The following SNTG2 variants were observed in gnomAD, a reference collection of about 807,000 sequenced individuals.
SNTG2 encodes the protein syntrophin gamma 2.
SNTG2 carries 74 observed loss-of-function variants against 70.9 expected under a neutral mutation model. That is an observed-to-expected ratio of 1.04 (90% confidence interval 0.86 to 1.27). SNTG2 has a LOEUF of 1.27. Among genes scored for constraint, SNTG2 ranks in the 50% most tolerant of loss-of-function variants. The pLI, the probability that SNTG2 is intolerant of heterozygous loss-of-function variation, is 0.00. For missense variants in SNTG2, 717 were observed against 690.7 expected (o/e 1.04, Z -0.43); for synonymous variants, 278 against 273.8 (o/e 1.02, Z -0.15).
At chr2:1,209,011 T>G in intron 8 of SNTG2, 92 bp from the exon 9 acceptor site, 386 of 1,492,744 alleles carry the variant, frequency 2.6e-4, no homozygotes, top group Non-Finnish European at 3.2e-4. Context: ...GTGTTGGACT[T>G]GAGTTCTGTG....
intron 14 of SNTG2, among the ~76,000 whole-genome samples, chr2:1,301,069 G>A (rs910933088): frequency 6.6e-6 from 1 of 152,100 alleles, no homozygotes; most frequent in African/African-American, 2.4e-5. Context: ...AAAATGGGAT[G>A]GCTTTAGACC....
chr2:959,850 T>G (rs1011209856), intron 1 of SNTG2, among the ~76,000 whole-genome samples: 1 of 151,778 alleles, frequency 6.6e-6, no homozygotes. Context: ...GGTATCCGTA[T>G]CTCAGTACTG....
At chr2:1,055,343 A>C (rs1459485800) in intron 1 of SNTG2, among the ~76,000 whole-genome samples, 1 of 152,146 alleles carries the variant, frequency 6.6e-6, no homozygotes, top group South Asian at 2.1e-4. Context: ...GACTTTTTCC[A>C]GTGCTGTTGC....
chr2:1,163,293 GGT>G (rs1211588093), intron 6 of SNTG2: 19 of 150,152 alleles, frequency 1.3e-4, no homozygotes, highest in African/African-American at 4.3e-4. Flanking sequence ...ACAGGAGGTG[GGT>G]GTGTGAGGCC....
intron 12 of SNTG2, among the ~76,000 whole-genome samples, chr2:1,251,118 AT>A (rs1677730064): frequency 1.3e-5 from 2 of 152,156 alleles, no homozygotes; most frequent in South Asian, 4.2e-4. Context: ...CTAGAGAGTA[AT>A]TCTCAAGATT....
chr2:1,200,469 A>G (rs1290736206), intron 8 of SNTG2, among the ~76,000 whole-genome samples: 1 of 152,066 alleles, frequency 6.6e-6, no homozygotes, highest in African/African-American at 2.4e-5. Flanking sequence ...AAAAGATTTT[A>G]TGACTGAGAC....
At chr2:1,043,367 T>C (rs1661549846) in intron 1 of SNTG2, among the ~76,000 whole-genome samples, 1 of 152,196 alleles carries the variant, frequency 6.6e-6, no homozygotes, top group Non-Finnish European at 1.5e-5. Context: ...TCCTGTAGGT[T>C]GTCTGTTTAC....
chr2:1,189,785 G>T (rs546252017), intron 8 of SNTG2, among the ~76,000 whole-genome samples: 8 of 152,144 alleles, frequency 5.3e-5, no homozygotes, highest in African/African-American at 1.9e-4. Context: ...TTGACCTCGT[G>T]ATCCACCCAC....
chr2:1,137,821 A>T lies in SNTG2; in HGVS notation c.411+12A>T. The T allele has an allele frequency of 6.2e-7, 1 of 1,601,930 alleles. No homozygotes were observed. The highest frequency in any genetic ancestry group is 8.5e-7 in the Non-Finnish European group (1 of 1,170,016). On this transcript the variant is annotated intron_variant, in intron 6 of 16. Coordinates refer to ENST00000308624, the MANE Select transcript of SNTG2 (RefSeq NM_018968.4). ...CTCATGAAGAAGTGGTAAGTGAATT[A>T]CATTTTATAGTTATTCTGTTTATTA...
intron 8 of SNTG2, among the ~76,000 whole-genome samples, chr2:1,197,519 G>GTATATATATATA (rs58615451): frequency 3.1e-4 from 25 of 81,572 alleles, no homozygotes; most frequent in African/African-American, 1.0e-3. Context: ...ATATATATGT[G>GTATATATATATA]TGTGTGTGTG....
intron 6 of SNTG2, among the ~76,000 whole-genome samples, chr2:1,153,256 A>G (rs577583915): frequency 2.0e-5 from 3 of 152,038 alleles, no homozygotes; most frequent in Non-Finnish European, 2.9e-5. Context: ...TCTTTTTTTT[A>G]TTATCCATTT....
chr2:1,329,473 G>A (rs1387145872), intron 16 of SNTG2, among the ~76,000 whole-genome samples: 1 of 152,142 alleles, frequency 6.6e-6, no homozygotes, highest in Non-Finnish European at 1.5e-5. Flanking sequence ...GTCAGCTTGA[G>A]AAAGAAAGTT....
chr2:1,220,605 G>A (rs764921744), intron 9 of SNTG2, among the ~76,000 whole-genome samples: 4 of 152,206 alleles, frequency 2.6e-5, no homozygotes, highest in African/African-American at 4.8e-5. Context: ...TTCTCATTAC[G>A]CCATCTTTAA....
intron 11 of SNTG2, among the ~76,000 whole-genome samples, chr2:1,241,792 T>G (rs1469216524): frequency 1.3e-5 from 2 of 152,148 alleles, no homozygotes; most frequent in Non-Finnish European, 2.9e-5. Context: ...TTGCTTCATC[T>G]CAGTGAAATT....
At chr2:1,035,669 T>C (rs923238098) in intron 1 of SNTG2, among the ~76,000 whole-genome samples, 5 of 152,228 alleles carry the variant, frequency 3.3e-5, no homozygotes, top group African/African-American at 1.2e-4. Context: ...GGGTTTTGTT[T>C]TTGTTGCTGG....
chr2:1,347,529 G>C lies in SNTG2; in HGVS notation c.1489-19814G>C, dbSNP rs192014779. On this transcript the variant is annotated intron_variant, in intron 16 of 16. Coordinates refer to ENST00000308624, the MANE Select transcript of SNTG2 (RefSeq NM_018968.4). The stretch of plus-strand genomic sequence containing the variant: ...ACCACAACATCATCTCTCACTCCCT[G>C]TTCCTCTCTGTCACTCTGAAGTCCC... Among the ~76,000 whole-genome samples the C allele has an allele frequency of 2.0e-3, 300 of 152,306 alleles. 1 individual carries two copies. Among genetic ancestry groups the C allele is most frequent in the African/African-American group, 6.9e-3 (288 of 41,574 alleles).
intron 4 of SNTG2, among the ~76,000 whole-genome samples, chr2:1,135,958 T>C (rs1558441768): frequency 2.0e-5 from 3 of 152,214 alleles, no homozygotes; most frequent in Non-Finnish European, 4.4e-5. Context: ...GTCAGGTAGG[T>C]ATTTGATAAA....
intron 11 of SNTG2, among the ~76,000 whole-genome samples, chr2:1,246,373 T>A (rs28537296): frequency 0.33 from 50,122 of 152,080 alleles, 9,783 homozygotes; most frequent in African/African-American, 0.55. Flanking sequence ...CAAGTAAATA[T>A]CAGAAACAGG....
chr2:1,211,118 T>C (rs544566968), intron 9 of SNTG2, among the ~76,000 whole-genome samples: 7 of 152,338 alleles, frequency 4.6e-5, no homozygotes, highest in South Asian at 2.1e-4. Flanking sequence ...TTGTAAAATA[T>C]AGCAGAATGT....
Sources: allele counts gnomAD v4.1 joint callset (sites outside exome capture counted in the v4.1 genomes callset), GRCh38; gene constraint gnomAD v4.1.1; transcripts MANE v1.5; gene names NCBI Gene and HGNC (gene_info 2026-07-23, HGNC 2026-07-21).